The following CDH20 variants were observed in gnomAD, a reference collection of about 807,000 sequenced individuals.
The protein encoded by CDH20 is cadherin 20, also known as cadherin-20.
CDH20 carries 29 observed loss-of-function variants against 74.2 expected under a neutral mutation model. The observed-to-expected ratio is 0.39, with a 90% CI of 0.29 to 0.53. The LOEUF is 0.53. Ranked by LOEUF, CDH20 falls within the 20% of genes least tolerant of loss-of-function variation. The pLI, the probability that CDH20 is intolerant of heterozygous loss-of-function variation, is 0.69. For synonymous variants in CDH20, 469 were observed against 405.4 expected (o/e 1.16, Z -1.88); for missense variants, 988 against 1,048.3 (o/e 0.94, Z 0.79).
At chr18:61,447,246 A>G (rs1295705596) in intron 1 of CDH20, among the ~76,000 whole-genome samples, 1 of 152,188 alleles carries the variant, frequency 6.6e-6, no homozygotes, top group Non-Finnish European at 1.5e-5. Flanking sequence ...TGGGAATCCA[A>G]AGTAGAGTTT....
intron 1 of CDH20, among the ~76,000 whole-genome samples, chr18:61,459,057 C>T (rs1909678734): frequency 6.6e-6 from 1 of 152,158 alleles, no homozygotes; most frequent in Non-Finnish European, 1.5e-5. Context: ...CTAAGTGGAA[C>T]ATTATATCTA....
intron 1 of CDH20, among the ~76,000 whole-genome samples, chr18:61,372,905 G>T (rs1340831391): frequency 6.6e-6 from 1 of 152,060 alleles, no homozygotes. Context: ...CTCTGTCCAT[G>T]ATAATCGTAT....
chr18:61,387,061 A>G (rs1346800666), intron 1 of CDH20, among the ~76,000 whole-genome samples: 4 of 152,240 alleles, frequency 2.6e-5, no homozygotes, highest in African/African-American at 9.6e-5. Flanking sequence ...GTGGGTGAAT[A>G]ATTTGGTACT....
Position 61,353,584 on chromosome 18 carries a change from A to C in CDH20, c.-153+19757A>C, listed in dbSNP as rs74481452. On this transcript the variant is annotated intron_variant, in intron 1 of 11. Coordinates refer to ENST00000262717, the MANE Select transcript of CDH20 (RefSeq NM_031891.4). This position sits in a 1 kb window ranked among gnomAD's most constrained non-coding sequence, Gnocchi z 4.6. Reference sequence around the variant, plus strand: ...CAGTGTGTATCACAGTGCTTTGCACATATTTTAGTGTTTGTTAAGATTTTG... The same window carrying C: ...CAGTGTGTATCACAGTGCTTTGCACCTATTTTAGTGTTTGTTAAGATTTTG... Among the ~76,000 whole-genome samples, 1 of 152,178 alleles carries C rather than the reference A, an allele frequency of 6.6e-6. No homozygotes were observed. The highest frequency in any genetic ancestry group is 6.5e-5 in the Admixed American group (1 of 15,282).
At chr18:61,536,425 G>T (rs1912818874) in intron 7 of CDH20, 68 bp from the exon 8 acceptor site, 2 of 1,312,014 alleles carry the variant, frequency 1.5e-6, no homozygotes, top group Non-Finnish European at 2.2e-6. Flanking sequence ...GCACTCAGTT[G>T]TCTCATGTGG....
At chr18:61,339,936 C>T (rs913465845) in intron 1 of CDH20, among the ~76,000 whole-genome samples, 1 of 151,844 alleles carries the variant, frequency 6.6e-6, no homozygotes. Flanking sequence ...GTAATCCGCC[C>T]GCCTCGGCCT....
At chr18:61,427,832 C>A (rs1259310572) in intron 1 of CDH20, among the ~76,000 whole-genome samples, 1 of 152,154 alleles carries the variant, frequency 6.6e-6, no homozygotes, top group Non-Finnish European at 1.5e-5. Flanking sequence ...GGCCAGGTTT[C>A]CCTCTTCTCT....
chr18:61,550,864 T>C (rs887872561), intron 11 of CDH20, among the ~76,000 whole-genome samples: 13 of 152,192 alleles, frequency 8.5e-5, no homozygotes, highest in African/African-American at 2.9e-4. Context: ...GGGAATCCCT[T>C]ACTGATAAGA....
At chr18:61,550,314 T>C in intron 11 of CDH20, 85 bp downstream of exon 11, 4 of 1,480,550 alleles carry the variant, frequency 2.7e-6, no homozygotes, top group Non-Finnish European at 3.7e-6. Flanking sequence ...ACACAGCTAT[T>C]CAGAACTGGT....
chr18:61,422,862 A>G (rs896941756), intron 1 of CDH20, among the ~76,000 whole-genome samples: 6 of 152,078 alleles, frequency 3.9e-5, no homozygotes, highest in African/African-American at 1.4e-4. Flanking sequence ...TCCATGACTC[A>G]TCTAACATAA....
At chr18:61,383,052 A>T (rs911208059) in intron 1 of CDH20, among the ~76,000 whole-genome samples, 2 of 152,176 alleles carry the variant, frequency 1.3e-5, no homozygotes, top group African/African-American at 4.8e-5. Flanking sequence ...GGTACCTATG[A>T]CATAGAGTTA....
At chr18:61,495,643 C>G (rs991620692) in intron 2 of CDH20, among the ~76,000 whole-genome samples, 3 of 152,178 alleles carry the variant, frequency 2.0e-5, no homozygotes, top group Non-Finnish European at 1.5e-5. Context: ...ACTGCTTCCT[C>G]AGGGGTCTCA....
intron 1 of CDH20, among the ~76,000 whole-genome samples, chr18:61,436,677 C>T (rs144612291): frequency 1.8e-4 from 28 of 152,220 alleles, no homozygotes; most frequent in African/African-American, 6.3e-4. Context: ...GATTTTTAGG[C>T]ACTGTGGCAT....
intron 10 of CDH20, 85 bp from the exon 11 acceptor site, chr18:61,549,893 C>A (rs1308384418): frequency 2.1e-6 from 3 of 1,406,858 alleles, no homozygotes; most frequent in East Asian, 4.6e-5. Context: ...CCTTCCTACA[C>A]CCTGCCCCTG....
chr18:61,462,121 T>G (rs947803623), intron 1 of CDH20, among the ~76,000 whole-genome samples: 4 of 152,256 alleles, frequency 2.6e-5, no homozygotes, highest in Admixed American at 2.6e-4. Flanking sequence ...CTTTTGTTAC[T>G]TAGGCGTGAA....
At position 61,396,053 on chromosome 18, in the gene CDH20, TTG is replaced by T. The variant is rs6146344; in HGVS notation, c.-153+62244_-153+62245del. On this transcript the variant is annotated intron_variant, in intron 1 of 11. Coordinates refer to ENST00000262717, the MANE Select transcript of CDH20 (RefSeq NM_031891.4). ...GTGCACTCACAGAGTGTGTGTGTGT[TTG>T]TGTGTGTGTGTGTGTGTTCATGCAC... 5.5e-4 allele frequency among the ~76,000 whole-genome samples: 79 copies of T among 142,476 alleles called. 1 individual carries two copies. In the South Asian group the frequency reaches 8.8e-3, roughly 16 times the overall value. The allele number at this position is 142,476 out of a possible 152,430, so 93.5% of individuals were successfully genotyped here.
intron 1 of CDH20, among the ~76,000 whole-genome samples, chr18:61,432,396 T>G (rs1599081432): frequency 6.6e-6 from 1 of 152,128 alleles, no homozygotes; most frequent in Admixed American, 6.5e-5. Context: ...CATCCACAAC[T>G]GGTGCCCAGA....
intron 2 of CDH20, among the ~76,000 whole-genome samples, chr18:61,498,677 C>T (rs1034482071): frequency 6.6e-6 from 1 of 152,204 alleles, no homozygotes; most frequent in African/African-American, 2.4e-5. Flanking sequence ...AGGTCATTCA[C>T]TTTTCTCACT....
chr18:61,512,502 C>T (rs1289289996), intron 6 of CDH20, among the ~76,000 whole-genome samples: 1 of 152,074 alleles, frequency 6.6e-6, no homozygotes, highest in African/African-American at 2.4e-5. Flanking sequence ...TAATACAATA[C>T]TTTCTTATTT....
Sources: gnomAD v4.1 joint callset for allele counts (sites outside exome capture counted in the v4.1 genomes callset) on GRCh38, gnomAD v4.1.1 for gene constraint, Gnocchi (gnomAD v3.1) non-coding constraint, MANE v1.5 for transcripts, NCBI Gene and HGNC (gene_info 2026-07-23, HGNC 2026-07-21) for gene names.